Variants in ITGA1 observed in about 807,000 individuals in gnomAD.
The protein encoded by ITGA1 is integrin alpha-1.
ITGA1 carries 85 observed loss-of-function variants against 145.9 expected under a neutral mutation model. The observed-to-expected ratio is 0.58, with a 90% confidence interval of 0.49 to 0.70. The LOEUF is 0.70. Ranked by LOEUF, ITGA1 falls within the 30% of genes least tolerant of loss-of-function variation. The pLI is 0.00. For synonymous variants in ITGA1, 520 were observed against 495.3 expected, an observed-to-expected ratio of 1.05 and a Z score of -0.66; for missense variants, 1,351 against 1,418.7, an observed-to-expected ratio of 0.95 and a Z score of 0.77.
intron 1 of ITGA1, among the ~76,000 whole-genome samples, chr5:52,836,494 G>A (rs898256255): frequency 2.0e-5 from 3 of 152,090 alleles, no homozygotes; most frequent in Non-Finnish European, 2.9e-5. Flanking sequence ...GTCCCGCCTT[G>A]GAAGTTGAAT....
intron 11 of ITGA1, chr5:52,905,443 T>C (rs903665071): frequency 1.6e-5 from 3 of 183,762 alleles, no homozygotes; most frequent in Admixed American, 5.8e-5. Context: ...CCAAATGAAA[T>C]ACAATTGATT....
chr5:52,861,278 T>C (rs1749596093), intron 2 of ITGA1, among the ~76,000 whole-genome samples, 169 bp from the exon 3 acceptor site: 1 of 152,206 alleles, frequency 6.6e-6, no homozygotes, highest in Non-Finnish European at 1.5e-5. Flanking sequence ...CACATCAATA[T>C]GCAAGAGGTA....
At chr5:52,948,242 A>G (rs1263202766) in intron 28 of ITGA1, among the ~76,000 whole-genome samples, 1 of 152,198 alleles carries the variant, frequency 6.6e-6, no homozygotes, top group Non-Finnish European at 1.5e-5. Flanking sequence ...ACAGAGTTGA[A>G]TGTTTTTTCA....
chr5:52,834,031 G>C (rs1169312723), intron 1 of ITGA1, among the ~76,000 whole-genome samples: 1 of 152,124 alleles, frequency 6.6e-6, no homozygotes, highest in Non-Finnish European at 1.5e-5. Flanking sequence ...TGAAGATCAG[G>C]TACTTTAGCA....
intron 8 of ITGA1, among the ~76,000 whole-genome samples, chr5:52,891,555 T>TAAAAAAAAAAAAAAAAAAAAA (rs56185635): frequency 5.9e-5 from 7 of 118,880 alleles, no homozygotes; most frequent in Admixed American, 1.6e-4. Context: ...TCATGAACAC[T>TAAAAAAAAAAAAAAAAAAAAA]AAAAAAAAAA....
chr5:52,812,665 TG>T (rs1309330100), intron 1 of ITGA1, among the ~76,000 whole-genome samples: 3 of 152,120 alleles, frequency 2.0e-5, no homozygotes, highest in African/African-American at 7.2e-5. Flanking sequence ...AGCTTCAATT[TG>T]TAAAATGGAA....
chr5:52,951,957 C>T (rs975804012), intron 28 of ITGA1, among the ~76,000 whole-genome samples: 16 of 152,100 alleles, frequency 1.1e-4, no homozygotes, highest in African/African-American at 3.4e-4. Context: ...TTTGGGAGGC[C>T]GAGGCAGGCA....
Position 52,920,816 on chromosome 5 carries a change from T to C in ITGA1, c.2292+348T>C, listed in dbSNP as rs79229580. On this transcript the variant is annotated intron_variant, in intron 17 of 28. Coordinates refer to ENST00000282588, the MANE Select transcript of ITGA1 (RefSeq NM_181501.2). ...TCAACTTGAAAACATTTAATTTCTG[T>C]GGGCCTTGTCTGTCAGTTGTGGTTG... Among the ~76,000 whole-genome samples the C allele has an allele frequency of 1.6e-3, 238 of 152,306 alleles. 2 individuals carry two copies. In the South Asian group the frequency reaches 0.034, roughly 22 times the overall value.
At chr5:52,836,741 C>A (rs1284034649) in intron 1 of ITGA1, among the ~76,000 whole-genome samples, 1 of 152,094 alleles carries the variant, frequency 6.6e-6, no homozygotes, top group Non-Finnish European at 1.5e-5. Context: ...GTCATTCAAT[C>A]AAGCTCTTCT....
Position 52,925,467 on chromosome 5 carries a change from C to G in ITGA1, c.2593C>G (p.Leu865Val). ...GACAATAGTGCATTATTCTCCAAAT[C>G]TAGTTTTTTCAGGAATTGAGGTAAA... ...TRTIVHYSPN[L>V]VFSGIEAIQK... The change falls in exon 19 of 29, where the codon CTA (leucine) becomes GTA (valine). Residue 865 changes from leucine (L) to valine (V), a missense_variant. Coordinates refer to ENST00000282588, the MANE Select transcript of ITGA1 (RefSeq NM_181501.2). 3 of 1,613,060 alleles carry G rather than the reference C, an allele frequency of 1.9e-6. No homozygotes were observed. The highest frequency in any genetic ancestry group is 2.5e-6 in the Non-Finnish European group (3 of 1,179,270).
intron 21 of ITGA1, chr5:52,931,183 G>T (rs1325308405): frequency 6.6e-6 from 1 of 152,088 alleles, no homozygotes; most frequent in East Asian, 1.9e-4. Context: ...AAATAATAAT[G>T]AAAGCTAACA....
At chr5:52,902,739 A>G (rs1750336103) in intron 11 of ITGA1, 1 of 151,886 alleles carries the variant, frequency 6.6e-6, no homozygotes, top group Admixed American at 6.6e-5. Flanking sequence ...ATCCCCGGCT[A>G]ATTTTTTATA....
Position 52,878,713 on chromosome 5 carries a change from G to A in ITGA1, c.625-3160G>A, listed in dbSNP as rs76988896. 5.2e-3 allele frequency among the ~76,000 whole-genome samples: 799 copies of A among 152,226 alleles called. 20 individuals carry two copies. The East Asian group carries it at 0.057, about 11-fold the overall frequency. On this transcript the variant is annotated intron_variant, in intron 6 of 28. Coordinates refer to ENST00000282588, the MANE Select transcript of ITGA1 (RefSeq NM_181501.2). Reference sequence around the variant, plus strand: ...AAAAATAGTTGTAGTGTTTGACAGCGCTCAAATATGCAACCTCCTTTGAGA... The same window carrying A: ...AAAAATAGTTGTAGTGTTTGACAGCACTCAAATATGCAACCTCCTTTGAGA...
chr5:52,918,690 A>C, intron 15 of ITGA1, 42 bp from the exon 16 acceptor site: 1 of 1,575,022 alleles, frequency 6.3e-7, no homozygotes, highest in Non-Finnish European at 8.6e-7. Flanking sequence ...ACATTCATTA[A>C]ATGTAAAAAT....
chr5:52,831,795 A>G (rs574330088), intron 1 of ITGA1, among the ~76,000 whole-genome samples: 35 of 152,240 alleles, frequency 2.3e-4, no homozygotes, highest in East Asian at 1.5e-3. Context: ...CGCTGAATGA[A>G]TATAACATAT....
chr5:52,942,840 C>T (rs1751075573), intron 26 of ITGA1, among the ~76,000 whole-genome samples: 1 of 151,850 alleles, frequency 6.6e-6, no homozygotes, highest in African/African-American at 2.4e-5. Flanking sequence ...CGCACCCAGC[C>T]CTGAGTTGTG....
chr5:52,800,398 A>C, intron 1 of ITGA1: 1 of 1,613,812 alleles, frequency 6.2e-7, no homozygotes, highest in Non-Finnish European at 8.5e-7. Context: ...CTTGGCCATG[A>C]AGCTCGTGAG....
intron 26 of ITGA1, among the ~76,000 whole-genome samples, chr5:52,941,334 G>A (rs980375906): frequency 1.3e-5 from 2 of 152,108 alleles, no homozygotes; most frequent in African/African-American, 4.8e-5. Flanking sequence ...GTTTTAAGTT[G>A]TTTGAGAAAT....
intron 1 of ITGA1, among the ~76,000 whole-genome samples, chr5:52,833,338 G>A (rs1391984): frequency 0.12 from 18,102 of 152,158 alleles, 1,125 homozygotes; most frequent in Admixed American, 0.17. Flanking sequence ...CTCATAAAGA[G>A]TACAACCAAG....
Sources: gnomAD v4.1 joint callset for allele counts (sites outside exome capture counted in the v4.1 genomes callset) on GRCh38, gnomAD v4.1.1 for gene constraint, MANE v1.5 for transcripts, NCBI Gene and HGNC (gene_info 2026-07-23, HGNC 2026-07-21) for gene names.